Variants in CHD6 observed in about 807,000 individuals in gnomAD.
The protein encoded by CHD6 is chromodomain helicase DNA binding protein 6.
A neutral mutation model predicts 276.9 loss-of-function variants in CHD6; 50 were observed. The observed-to-expected ratio is 0.18, with a 90% confidence interval of 0.14 to 0.23. CHD6 has a LOEUF of 0.23. Among genes scored for constraint, CHD6 ranks in the 10% least tolerant of loss-of-function variants. The pLI, the probability that CHD6 is intolerant of heterozygous loss-of-function variation, is 1.00. For synonymous variants in CHD6, 1,173 were observed against 1,229.3 expected, an observed-to-expected ratio of 0.95 and a Z score of 0.96; for missense variants, 2,564 against 3,365.8, an observed-to-expected ratio of 0.76 and a Z score of 5.89.
intron 1 of CHD6, among the ~76,000 whole-genome samples, chr20:41,601,610 G>C (rs900046193): frequency 6.6e-6 from 1 of 152,152 alleles, no homozygotes; most frequent in African/African-American, 2.4e-5. Flanking sequence ...AGAAGCAGTG[G>C]GTTCACTCGC....
At chr20:41,585,631 G>C (rs545376926) in intron 1 of CHD6, among the ~76,000 whole-genome samples, 2 of 152,128 alleles carry the variant, frequency 1.3e-5, no homozygotes, top group South Asian at 4.1e-4. Context: ...TGACTTCGCT[G>C]GTGAATTTTA....
chr20:41,424,536 A>C (rs751647235), intron 29 of CHD6, among the ~76,000 whole-genome samples: 3 of 152,228 alleles, frequency 2.0e-5, no homozygotes, highest in African/African-American at 4.8e-5. Flanking sequence ...ATCGAATTTC[A>C]TAAGTCAGGA....
chr20:41,408,209 C>T (rs1483123492), intron 36 of CHD6, among the ~76,000 whole-genome samples: 5 of 121,492 alleles, frequency 4.1e-5, no homozygotes, highest in East Asian at 5.4e-4. Context: ...TAGTCCCCTT[C>T]GTTTTCACAA....
intron 31 of CHD6, among the ~76,000 whole-genome samples, chr20:41,417,641 G>C (rs188235269): frequency 1.6e-4 from 24 of 152,294 alleles, no homozygotes; most frequent in Admixed American, 3.3e-4. Flanking sequence ...ATCCAAGAGT[G>C]AAAGAGATGA....
intron 3 of CHD6, among the ~76,000 whole-genome samples, chr20:41,522,718 C>T (rs2044433953): frequency 6.6e-6 from 1 of 151,858 alleles, no homozygotes; most frequent in Non-Finnish European, 1.5e-5. Flanking sequence ...AGTATATATA[C>T]ATATATACAC....
intron 1 of CHD6, among the ~76,000 whole-genome samples, chr20:41,589,351 T>C (rs1378965861): frequency 6.6e-6 from 1 of 152,128 alleles, no homozygotes; most frequent in African/African-American, 2.4e-5. Context: ...CAACATAGTG[T>C]TGGAAGTTCT....
rs753763725 is a variant in CHD6, at chr20:41,405,086, G to A, written c.7655C>T (p.Ala2552Val). The change falls in exon 37 of 37, where the codon GCG becomes GTG. Residue 2552 changes from alanine (A) to valine (V), a missense_variant. Physicochemically the swap from Ala to Val is moderately conservative, Grantham distance 64 (BLOSUM62 0). This residue lies in a region of CHD6 where 238 missense variants were observed against 266.0 expected (regional missense o/e 0.89). Transcript: ENST00000373233. ...ACTTTTCGTTGTGCTTGATAGAGAC[G>A]CCGGAGCAGTGGAAGTGCAGGTGGT... ...MATTCTSTAP[A>V]SLSSTTKSGT... 2.4e-5 allele frequency: 39 copies of A among 1,614,200 alleles called. No homozygotes were observed. Among genetic ancestry groups the A allele is most frequent in the Non-Finnish European group, 2.8e-5 (33 of 1,180,038 alleles).
rs1000089401 is a variant in CHD6 at position 41,533,617 on chromosome 20, T to C, written c.34-47A>G. 6 of 1,502,536 alleles carry C rather than the reference T, an allele frequency of 4.0e-6. No homozygotes were observed. In the African/African-American group the frequency reaches 6.9e-5, roughly 17 times the overall value. The allele number at this position is 1,502,536 out of a possible 1,614,324, so 93.1% of individuals were successfully genotyped here. A position where few individuals can be genotyped will look rare whatever the true frequency, so the allele number is the denominator to read the frequency against. The stretch of plus-strand genomic sequence containing the variant: ...GCATATTACCCTTCCAATTCATGCT[T>C]CAGACAAAGAGAGTTACCCAGTTTG... On this transcript the variant is annotated intron_variant, in intron 2 of 36. Transcript: ENST00000373233.
chr20:41,518,757 C>T (rs559068430), intron 3 of CHD6, among the ~76,000 whole-genome samples: 2 of 152,186 alleles, frequency 1.3e-5, no homozygotes, highest in Admixed American at 6.5e-5. Flanking sequence ...AAAAGATTCC[C>T]TGAAAGCTTA....
chr20:41,613,373 C>T (rs1470524785), intron 1 of CHD6, among the ~76,000 whole-genome samples: 1 of 152,226 alleles, frequency 6.6e-6, no homozygotes, highest in South Asian at 2.1e-4. Context: ...GGCCTCCCCT[C>T]TAGTCCCATC....
At chr20:41,605,394 CT>C (rs1400606026) in intron 1 of CHD6, among the ~76,000 whole-genome samples, 1 of 152,144 alleles carries the variant, frequency 6.6e-6, no homozygotes, top group Non-Finnish European at 1.5e-5. Context: ...TCAAAACATT[CT>C]TTAATACTAT....
At chr20:41,569,903 T>C (rs1373505660) in intron 1 of CHD6, among the ~76,000 whole-genome samples, 2 of 152,180 alleles carry the variant, frequency 1.3e-5, no homozygotes, top group Non-Finnish European at 2.9e-5. Context: ...TGGCATGGGA[T>C]GGGTGTCCTG....
At chr20:41,423,014 A>T (rs186105551) in intron 30 of CHD6, among the ~76,000 whole-genome samples, 2 of 152,372 alleles carry the variant, frequency 1.3e-5, no homozygotes, top group East Asian at 3.9e-4. Context: ...TGCAAGTGCC[A>T]ACCATGAAGA....
intron 5 of CHD6, among the ~76,000 whole-genome samples, chr20:41,505,966 AT>A (rs561456642): frequency 6.4e-4 from 98 of 152,208 alleles, no homozygotes; most frequent in African/African-American, 2.2e-3. Flanking sequence ...ATCCTTTCAG[AT>A]ACTCAAACCA....
chr20:41,554,346 C>G (rs2045189247), intron 1 of CHD6, among the ~76,000 whole-genome samples: 1 of 152,030 alleles, frequency 6.6e-6, no homozygotes, highest in Admixed American at 6.5e-5. Context: ...GAAAACAGGT[C>G]CTACTTATAA....
chr20:41,592,228 CTT>C (rs2045670760), intron 1 of CHD6, among the ~76,000 whole-genome samples: 1 of 151,968 alleles, frequency 6.6e-6, no homozygotes. Flanking sequence ...ACAAAAAAAA[CTT>C]TTGTAAGTGG....
At chr20:41,600,058 T>C (rs2045758278) in intron 1 of CHD6, among the ~76,000 whole-genome samples, 3 of 152,204 alleles carry the variant, frequency 2.0e-5, no homozygotes, top group Admixed American at 6.5e-5. Context: ...TGCTGAGAAA[T>C]TTTCTAAGTG....
At chr20:41,414,757 G>T in intron 34 of CHD6, 1 of 943,224 alleles carries the variant, frequency 1.1e-6, no homozygotes, top group Non-Finnish European at 1.3e-6. Flanking sequence ...ATATCACCCA[G>T]TAAGTCAAGC....
At chr20:41,450,807 CA>C in intron 23 of CHD6, 138 bp downstream of exon 23, 1 of 781,612 alleles carries the variant, frequency 1.3e-6, no homozygotes, top group Non-Finnish European at 2.1e-6. Flanking sequence ...CAGCTTAGAC[CA>C]CAGATAACAC....
Sources: gnomAD v4.1 joint callset for allele counts (sites outside exome capture counted in the v4.1 genomes callset) on GRCh38, gnomAD v4.1.1 for gene constraint, gnomAD v4.1.1 regional missense constraint, MANE v1.5 for transcripts, NCBI Gene and HGNC (gene_info 2026-07-23, HGNC 2026-07-21) for gene names.